Variants in CEP112 observed in about 807,000 individuals in gnomAD.
CEP112 encodes centrosomal protein 112.
A neutral mutation model predicts 153.0 loss-of-function variants in CEP112; 127 were observed. The ratio of observed to expected loss-of-function variants is 0.83; its 90% CI spans 0.72 to 0.96. CEP112 has a LOEUF of 0.96. CEP112 is among the 40% of genes least tolerant of loss of function. The probability of loss-of-function intolerance (pLI) is 0.00; values close to 1 mark genes in which losing one functional copy is unlikely to be tolerated. For synonymous variants in CEP112, 358 were observed against 374.4 expected (o/e 0.96, Z 0.51); for missense variants, 1,089 against 1,101.2 (o/e 0.99, Z 0.16).
chr17:65,982,620 T>A (rs2063268751), intron 17 of CEP112, among the ~76,000 whole-genome samples: 1 of 152,256 alleles, frequency 6.6e-6, no homozygotes, highest in Non-Finnish European at 1.5e-5. Context: ...AAGGGAAATG[T>A]GTGTGCCAAC....
chr17:65,915,764 G>T (rs1325561727), intron 19 of CEP112, among the ~76,000 whole-genome samples: 1 of 148,402 alleles, frequency 6.7e-6, no homozygotes, highest in East Asian at 2.0e-4. Context: ...CTCCAGCCTG[G>T]GTGACAGAGT....
chr17:66,065,041 T>C (rs1037242717), intron 10 of CEP112, among the ~76,000 whole-genome samples: 60 of 152,336 alleles, frequency 3.9e-4, no homozygotes, highest in African/African-American at 1.4e-3. Flanking sequence ...GTAAGTTCCA[T>C]ACAGAAAATC....
chr17:66,039,346 T>C (rs2065877322), intron 12 of CEP112, among the ~76,000 whole-genome samples: 1 of 152,146 alleles, frequency 6.6e-6, no homozygotes, highest in South Asian at 2.1e-4. Flanking sequence ...AAAGGGTTAG[T>C]ATTAGGCAAC....
At chr17:66,021,598 C>G (rs2065001188) in intron 16 of CEP112, among the ~76,000 whole-genome samples, 1 of 152,178 alleles carries the variant, frequency 6.6e-6, no homozygotes, top group African/African-American at 2.4e-5. Context: ...TCCTGATCAC[C>G]TGGAGTAGGC....
intron 20 of CEP112, among the ~76,000 whole-genome samples, chr17:65,897,478 A>G (rs2059697183): frequency 6.6e-6 from 1 of 152,098 alleles, no homozygotes; most frequent in South Asian, 2.1e-4. Flanking sequence ...AAGAGATAAT[A>G]ACACTTGGAA....
intron 8 of CEP112, among the ~76,000 whole-genome samples, chr17:66,094,744 A>G (rs559230302): frequency 6.6e-6 from 1 of 152,324 alleles, no homozygotes; most frequent in African/African-American, 2.4e-5. Context: ...TCTGCAAGCC[A>G]TATATCTAAT....
chr17:65,987,986 G>A (rs1361458203), intron 17 of CEP112, among the ~76,000 whole-genome samples: 1 of 152,142 alleles, frequency 6.6e-6, no homozygotes, highest in East Asian at 1.9e-4. Context: ...AAAGGGAGAG[G>A]TGAGTCTATC....
intron 23 of CEP112, among the ~76,000 whole-genome samples, chr17:65,713,631 G>C (rs555526639): frequency 1.2e-4 from 18 of 152,258 alleles, no homozygotes; most frequent in Admixed American, 9.2e-4. Context: ...CTGTCGCCCA[G>C]GATGGAGTGC....
chr17:65,937,462 G>GGCA (rs2061355561), intron 18 of CEP112, among the ~76,000 whole-genome samples: 1 of 102,378 alleles, frequency 9.8e-6, no homozygotes, highest in African/African-American at 3.2e-5. Context: ...GTCTCTGCCC[G>GGCA]GCCGCCCCGT....
chr17:66,062,837 G>C, intron 11 of CEP112, 126 bp downstream of exon 11: 1 of 468,816 alleles, frequency 2.1e-6, no homozygotes, highest in Non-Finnish European at 3.7e-6. Context: ...TTTCTAAACA[G>C]CCTGGAATTT....
At chr17:65,935,873 A>G (rs1326931002) in intron 18 of CEP112, among the ~76,000 whole-genome samples, 1 of 152,026 alleles carries the variant, frequency 6.6e-6, no homozygotes, top group Non-Finnish European at 1.5e-5. Context: ...AACTAAGCCT[A>G]AAGTTAGGAG....
At chr17:65,969,147 T>C (rs2062532153) in intron 17 of CEP112, among the ~76,000 whole-genome samples, 1 of 150,778 alleles carries the variant, frequency 6.6e-6, no homozygotes. Context: ...AGTGGTGCGA[T>C]CTCGGCTAAC....
chr17:65,945,581 G>T (rs1568272824), intron 18 of CEP112, among the ~76,000 whole-genome samples: 3 of 152,130 alleles, frequency 2.0e-5, no homozygotes, highest in Non-Finnish European at 4.4e-5. Flanking sequence ...TCCATTGGAT[G>T]TGTAATAGTA....
intron 23 of CEP112, among the ~76,000 whole-genome samples, chr17:65,734,527 T>C (rs542439207): frequency 1.5e-3 from 226 of 152,366 alleles, no homozygotes; most frequent in Non-Finnish European, 2.8e-3. Context: ...AAACTCATTA[T>C]GTGTAAACAT....
chr17:65,653,099 C>T (rs1412689517), intron 24 of CEP112, among the ~76,000 whole-genome samples: 1 of 152,176 alleles, frequency 6.6e-6, no homozygotes, highest in East Asian at 1.9e-4. Flanking sequence ...CTAATTACCT[C>T]CCAAAGGCCA....
intron 21 of CEP112, among the ~76,000 whole-genome samples, chr17:65,807,893 C>T (rs2055706736): frequency 6.6e-6 from 1 of 152,228 alleles, no homozygotes; most frequent in African/African-American, 2.4e-5. Flanking sequence ...CATACAGAGT[C>T]CCCACTGGGG....
At chr17:65,990,392 G>A (rs2063552958) in intron 17 of CEP112, among the ~76,000 whole-genome samples, 1 of 152,190 alleles carries the variant, frequency 6.6e-6, no homozygotes, top group African/African-American at 2.4e-5. Context: ...ACATCAAAGA[G>A]GGCAGGAAAA....
chr17:65,780,031 T>C (rs892806883), intron 21 of CEP112, among the ~76,000 whole-genome samples: 6 of 152,148 alleles, frequency 3.9e-5, no homozygotes, highest in Admixed American at 1.3e-4. Flanking sequence ...TTTCTGAATA[T>C]GTCTATTGGT....
At chr17:66,100,856 A>C (rs979836471) in intron 6 of CEP112, among the ~76,000 whole-genome samples, 4 of 152,138 alleles carry the variant, frequency 2.6e-5, no homozygotes, top group Non-Finnish European at 4.4e-5. Flanking sequence ...CTATTTCCAT[A>C]TCATTTATAT....
Sources: allele counts gnomAD v4.1 joint callset (sites outside exome capture counted in the v4.1 genomes callset), GRCh38; gene constraint gnomAD v4.1.1; transcripts MANE v1.5; gene names NCBI Gene and HGNC (gene_info 2026-07-23, HGNC 2026-07-21).